The following HELZ variants were observed in gnomAD, a reference collection of about 807,000 sequenced individuals.
The protein encoded by HELZ is helicase with zinc finger.
HELZ carries 23 observed loss-of-function variants against 218.2 expected under a neutral mutation model. The ratio of observed to expected loss-of-function variants is 0.11; its 90% confidence interval spans 0.08 to 0.15. HELZ has a LOEUF of 0.15. Ranked by LOEUF, HELZ falls within the 10% of genes least tolerant of loss-of-function variation. The pLI is 1.00. For missense variants in HELZ, 1,813 were observed against 2,353.7 expected, an observed-to-expected ratio of 0.77 and a Z score of 4.75; for synonymous variants, 814 against 829.4, an observed-to-expected ratio of 0.98 and a Z score of 0.32.
intron 3 of HELZ, among the ~76,000 whole-genome samples, chr17:67,227,118 C>T (rs546758681): frequency 6.6e-6 from 1 of 151,866 alleles, no homozygotes; most frequent in South Asian, 2.1e-4. Context: ...TAGCAAAAAA[C>T]ATCAATTTTA....
intron 7 of HELZ, among the ~76,000 whole-genome samples, chr17:67,198,140 A>G (rs866442897): frequency 4.6e-5 from 7 of 152,232 alleles, no homozygotes; most frequent in Middle Eastern, 3.2e-3. Flanking sequence ...CCTTTTTAAA[A>G]CCTATCAAAA....
chr17:67,146,742 A>G (rs2038510360), intron 20 of HELZ, among the ~76,000 whole-genome samples: 1 of 152,228 alleles, frequency 6.6e-6, no homozygotes, highest in Non-Finnish European at 1.5e-5. Flanking sequence ...AGATACAATT[A>G]TATCTATCCA....
intron 25 of HELZ, among the ~76,000 whole-genome samples, chr17:67,123,396 T>G (rs577612632): frequency 6.6e-6 from 1 of 152,292 alleles, no homozygotes; most frequent in East Asian, 1.9e-4. Context: ...TAGCATAATT[T>G]TAAATATTTT....
chr17:67,178,876 G>T lies in HELZ; in HGVS notation c.1213C>A (p.Arg405Ser), dbSNP rs773876578. 1.9e-6 allele frequency: 3 copies of T among 1,612,076 alleles called. No homozygotes were observed. The highest frequency in any genetic ancestry group is 2.5e-6 in the Non-Finnish European group (3 of 1,178,380). ...ATAGTCTTAGAGGAAGAATCCCAACGTTTAGCTGTGGTTACTAGCTGCTGT... is the reference window on the plus strand; with the variant it reads ...ATAGTCTTAGAGGAAGAATCCCAACTTTTAGCTGTGGTTACTAGCTGCTGT... ...AKQQLVTTAK[R>S]WDSSSKTIID... Residue 405 changes from arginine to serine, a missense_variant, in exon 13 of 33, where the codon CGT becomes AGT. Around this residue, in one of 4 missense-constraint regions of HELZ, gnomAD observed 714 missense variants for 1,029.2 expected, o/e 0.69. Coordinates refer to ENST00000358691, the MANE Select transcript of HELZ (RefSeq NM_014877.4).
chr17:67,086,762 G>C, intron 32 of HELZ, 67 bp downstream of exon 32: 1 of 1,562,056 alleles, frequency 6.4e-7, no homozygotes, highest in South Asian at 1.2e-5. Context: ...TGGTATAGAA[G>C]AAAAACTCCA....
chr17:67,200,972 A>T, intron 7 of HELZ, 157 bp downstream of exon 7: 1 of 668,864 alleles, frequency 1.5e-6, no homozygotes. Context: ...ACTGTGGGTT[A>T]TGGGGGTTAC....
At chr17:67,089,668 T>TATATATATATATATATAGAG (rs71293575) in intron 31 of HELZ, among the ~76,000 whole-genome samples, 1 of 70,638 alleles carries the variant, frequency 1.4e-5, no homozygotes, top group Non-Finnish European at 2.6e-5. Flanking sequence ...TATATATATA[T>TATATATATATATATATAGAG]AGAGAGAGAG....
At chr17:67,092,212 T>C (rs1427789563) in intron 31 of HELZ, among the ~76,000 whole-genome samples, 2 of 152,076 alleles carry the variant, frequency 1.3e-5, no homozygotes, top group African/African-American at 2.4e-5. Context: ...TAATAATAAA[T>C]GAATATTATA....
chr17:67,235,391 G>A (rs1305619690), intron 3 of HELZ, among the ~76,000 whole-genome samples: 1 of 151,980 alleles, frequency 6.6e-6, no homozygotes, highest in African/African-American at 2.4e-5. Flanking sequence ...TGTAATCCCA[G>A]ATACTCAGGA....
intron 31 of HELZ, among the ~76,000 whole-genome samples, chr17:67,094,038 C>T (rs1310358951): frequency 5.3e-5 from 8 of 152,070 alleles, no homozygotes; most frequent in Non-Finnish European, 7.4e-5. Context: ...CTCCACTGAA[C>T]CTAAGATAAA....
chr17:67,122,887 T>C (rs1296555629), intron 26 of HELZ, 83 bp downstream of exon 26: 3 of 992,220 alleles, frequency 3.0e-6, no homozygotes, highest in Non-Finnish European at 4.4e-6. Context: ...AAGAAGTTGG[T>C]AGAATGCTAT....
intron 31 of HELZ, among the ~76,000 whole-genome samples, chr17:67,092,088 T>A (rs984781670): frequency 2.0e-5 from 3 of 152,214 alleles, no homozygotes; most frequent in Non-Finnish European, 4.4e-5. Context: ...TGGGTTCATA[T>A]CTATGGGTTC....
intron 12 of HELZ, among the ~76,000 whole-genome samples, chr17:67,182,144 T>C (rs1175529848): frequency 1.3e-5 from 2 of 152,148 alleles, no homozygotes; most frequent in Non-Finnish European, 2.9e-5. Context: ...TGAAAAACAC[T>C]GGAAAATTGA....
chr17:67,100,602 T>A (rs2036894238), intron 31 of HELZ, among the ~76,000 whole-genome samples: 1 of 152,162 alleles, frequency 6.6e-6, no homozygotes, highest in Admixed American at 6.5e-5. Flanking sequence ...TTTGCACCAG[T>A]ATCAACATTG....
chr17:67,158,018 A>C (rs2038892432), intron 17 of HELZ, among the ~76,000 whole-genome samples: 1 of 152,228 alleles, frequency 6.6e-6, no homozygotes, highest in African/African-American at 2.4e-5. Context: ...ACTGAAACTA[A>C]ACATGATCTA....
intron 17 of HELZ, among the ~76,000 whole-genome samples, chr17:67,155,158 T>A (rs1003853490): frequency 2.0e-5 from 3 of 152,028 alleles, no homozygotes; most frequent in Non-Finnish European, 4.4e-5. Context: ...ATGTGCACCA[T>A]CAAAACAAGG....
intron 11 of HELZ, among the ~76,000 whole-genome samples, chr17:67,189,208 A>C (rs896371410): frequency 1.3e-5 from 2 of 152,198 alleles, no homozygotes; most frequent in Non-Finnish European, 2.9e-5. Flanking sequence ...TGACTTCATC[A>C]TATCAAATAT....
chr17:67,087,962 T>G (rs749236728), intron 31 of HELZ, among the ~76,000 whole-genome samples: 1 of 152,184 alleles, frequency 6.6e-6, no homozygotes, highest in Non-Finnish European at 1.5e-5. Flanking sequence ...GGCTAGACTG[T>G]CTGGGTTAGA....
chr17:67,237,268 G>C (rs1362826099), intron 3 of HELZ, among the ~76,000 whole-genome samples: 1 of 152,102 alleles, frequency 6.6e-6, no homozygotes, highest in Non-Finnish European at 1.5e-5. Context: ...CTGGGCGACA[G>C]AGTGAGACTC....
Sources: allele counts gnomAD v4.1 joint callset (sites outside exome capture counted in the v4.1 genomes callset), GRCh38; gene constraint gnomAD v4.1.1; regional missense constraint gnomAD v4.1.1; transcripts MANE v1.5; gene names NCBI Gene and HGNC (gene_info 2026-07-23, HGNC 2026-07-21).